The following ETV1 variants were observed in gnomAD, a reference collection of about 807,000 sequenced individuals.
ETV1 encodes the protein ETS variant transcription factor 1.
ETV1 carries 27 observed loss-of-function variants against 62.3 expected under a neutral mutation model. The observed-to-expected ratio is 0.43, with a 90% confidence interval of 0.32 to 0.60. ETV1 has a LOEUF of 0.60. Ranked by LOEUF, ETV1 falls within the 20% of genes least tolerant of loss-of-function variation. ETV1 has a pLI of 0.06. For missense variants in ETV1, 605 were observed against 605.8 expected (o/e 1.00, Z 0.01); for synonymous variants, 222 against 199.6 (o/e 1.11, Z -0.94).
chr7:13,985,485 T>C (rs1782459103), intron 5 of ETV1: 1 of 152,170 alleles, frequency 6.6e-6, no homozygotes, highest in Non-Finnish European at 1.5e-5. Flanking sequence ...AAACTTATTT[T>C]ACATGCTAAC....
intron 5 of ETV1, among the ~76,000 whole-genome samples, chr7:13,983,804 T>C (rs563481247): frequency 6.6e-6 from 1 of 152,000 alleles, no homozygotes; most frequent in South Asian, 2.1e-4. Flanking sequence ...TAAATCTCTG[T>C]ATGGGAATTA....
chr7:13,921,432 G>C (rs1009359963), intron 9 of ETV1, among the ~76,000 whole-genome samples: 6 of 152,174 alleles, frequency 3.9e-5, no homozygotes, highest in Non-Finnish European at 4.4e-5. Flanking sequence ...TATGGAATGG[G>C]TTTTATCAGC....
At chr7:13,962,811 TA>T (rs1251818011) in intron 6 of ETV1, among the ~76,000 whole-genome samples, 1 of 152,172 alleles carries the variant, frequency 6.6e-6, no homozygotes, top group Non-Finnish European at 1.5e-5. Context: ...TAAATTAGAA[TA>T]ATTCCATGAA....
At chr7:13,932,361 C>G (rs1017849227) in intron 8 of ETV1, among the ~76,000 whole-genome samples, 1 of 152,102 alleles carries the variant, frequency 6.6e-6, no homozygotes, top group African/African-American at 2.4e-5. Context: ...GGACTCAAAC[C>G]CAAGCCGGTT....
At position 13,891,986 on chromosome 7, in the gene ETV1, C is replaced by T. The variant is rs753246986; in HGVS notation, c.*3880G>A. ...AGGCTGCATGATAGACAAAGTGGCT[C>T]ATTTTAGAAATCCCTATCATCTGGC... On this transcript the variant is annotated 3_prime_UTR_variant, in exon 14 of 14. Transcript: ENST00000430479. 13 of 231,790 alleles carry T rather than the reference C, an allele frequency of 5.6e-5. No homozygotes were observed. Among genetic ancestry groups the T allele is most frequent in the Non-Finnish European group, 1.1e-4 (13 of 117,292 alleles). 14.4% of individuals were successfully genotyped at this position (231,790 alleles called of 1,614,324 possible).
chr7:13,902,029 T>C (rs970500557), intron 12 of ETV1, among the ~76,000 whole-genome samples: 2 of 152,160 alleles, frequency 1.3e-5, no homozygotes, highest in Non-Finnish European at 2.9e-5. Flanking sequence ...TGTAGCTTGC[T>C]TTTCCTACCC....
rs539323740 is a variant in ETV1 at position 13,988,024 on chromosome 7, C to T, written c.133+62G>A. ...AAGATAAGACTGAAGTGCTCCTTTT[C>T]TTTTAGCAGGGTGGAGAGTGTAGGT... On this transcript the variant is annotated intron_variant, in intron 4 of 13. Transcript: ENST00000430479. The T allele has an allele frequency of 7.0e-4, 641 of 910,818 alleles. 3 individuals carry two copies. In the African/African-American group the frequency reaches 9.5e-3, roughly 13 times the overall value. 56.4% of individuals were successfully genotyped at this position (910,818 alleles called of 1,614,324 possible).
At position 13,939,233 on chromosome 7, in the gene ETV1, G is replaced by A. The variant is rs779475762; in HGVS notation, c.249C>T (p.Gly83=). The A allele has an allele frequency of 1.9e-6, 3 of 1,602,696 alleles. No individual in the cohort carries two copies. In the South Asian group the frequency reaches 3.4e-5, roughly 18 times the overall value. ...GTTCTTTCTTGATTTTCAGTGGCAG[G>A]CCATGAAAAGCCACTAGAAAAAAGA... ...DYQAESLAFH[G]LPLKIKKEPH... The change falls in exon 7 of 14, where the codon GGC becomes GGT. Residue 83 remains glycine, a synonymous_variant. Transcript: ENST00000430479.
At chr7:13,900,890 T>A (rs1782344427) in intron 12 of ETV1, 51 bp from the exon 13 acceptor site, 1 of 1,217,582 alleles carries the variant, frequency 8.2e-7, no homozygotes, top group East Asian at 2.6e-5. Context: ...CTTATCAGCA[T>A]ATTTCATAAA....
chr7:13,907,883 T>TC (rs1783136556), intron 11 of ETV1: 1 of 467,824 alleles, frequency 2.1e-6, no homozygotes, highest in Admixed American at 2.4e-5. Flanking sequence ...AATGTGTGAG[T>TC]CAATAGCTGC....
At chr7:13,958,440 T>C (rs1026262988) in intron 6 of ETV1, among the ~76,000 whole-genome samples, 7 of 152,218 alleles carry the variant, frequency 4.6e-5, no homozygotes, top group African/African-American at 1.7e-4. Context: ...ATACCTGGTC[T>C]TGTCCCAACT....
chr7:13,981,286 A>G (rs1248115527), intron 5 of ETV1, among the ~76,000 whole-genome samples: 1 of 152,082 alleles, frequency 6.6e-6, no homozygotes, highest in Non-Finnish European at 1.5e-5. Context: ...ATTCCTCAAG[A>G]CAAGCAGGCA....
At chr7:13,915,832 A>C (rs1330100923) in intron 9 of ETV1, among the ~76,000 whole-genome samples, 1 of 152,208 alleles carries the variant, frequency 6.6e-6, no homozygotes, top group African/African-American at 2.4e-5. Flanking sequence ...TTCCAAAATA[A>C]GGACATATAT....
rs534260765 is a variant in ETV1, at chr7:13,931,292, T to C, written c.802+210A>G. Among the ~76,000 whole-genome samples the C allele has an allele frequency of 7.2e-5, 11 of 152,324 alleles. No individual in the cohort carries two copies. The South Asian group carries it at 2.1e-3, about 29-fold the overall frequency. ...TATTTTTCTTTAAACTGGTTTTGTT[T>C]CCAGACACTATTTCAACCATCACCT... On this transcript the variant is annotated intron_variant, in intron 9 of 13. Transcript: ENST00000430479.
At chr7:13,943,817 C>T (rs1319059867) in intron 6 of ETV1, among the ~76,000 whole-genome samples, 1 of 152,052 alleles carries the variant, frequency 6.6e-6, no homozygotes, top group Non-Finnish European at 1.5e-5. Flanking sequence ...TAAAATTCAT[C>T]AAACTATGCA....
At position 13,977,499 on chromosome 7, in the gene ETV1, A is replaced by AT. The variant is rs924248838; in HGVS notation, c.182-20dup. The AT allele has an allele frequency of 4.8e-6, 7 of 1,444,040 alleles. No homozygotes were observed. The highest frequency in any genetic ancestry group is 3.7e-5 in the African/African-American group (2 of 54,460). 89.5% of individuals were successfully genotyped at this position (1,444,040 alleles called of 1,614,324 possible). On this transcript the variant is annotated intron_variant, in intron 5 of 13. Transcript: ENST00000430479. ...ACCTGAGCTGAAGAAGAAAAAGAAA[A>AT]TTAAAAAAAATTAAGAGAGAAACTG...
intron 6 of ETV1, among the ~76,000 whole-genome samples, chr7:13,964,028 G>C (rs573788495): frequency 1.9e-3 from 295 of 152,184 alleles, no homozygotes; most frequent in Non-Finnish European, 3.8e-3. Flanking sequence ...AACATCCAGA[G>C]AAACACAGCA....
intron 6 of ETV1, among the ~76,000 whole-genome samples, chr7:13,974,349 T>G (rs1310659966): frequency 2.0e-5 from 3 of 151,898 alleles, no homozygotes; most frequent in Non-Finnish European, 4.4e-5. Flanking sequence ...GGCACTGGAG[T>G]AGCAAGAGTT....
At chr7:13,913,500 G>A (rs1783779033) in intron 9 of ETV1, among the ~76,000 whole-genome samples, 1 of 152,144 alleles carries the variant, frequency 6.6e-6, no homozygotes, top group Non-Finnish European at 1.5e-5. Flanking sequence ...AAGGGTTGTT[G>A]GGAGGACCAC....
Sources: allele counts gnomAD v4.1 joint callset (sites outside exome capture counted in the v4.1 genomes callset), GRCh38; gene constraint gnomAD v4.1.1; transcripts MANE v1.5; gene names NCBI Gene and HGNC (gene_info 2026-07-23, HGNC 2026-07-21).